The following GNPTAB variants were observed in gnomAD, a reference collection of about 807,000 sequenced individuals.
GNPTAB encodes N-acetylglucosamine-1-phosphate transferase subunits alpha and beta.
GNPTAB carries 92 observed loss-of-function variants against 136.6 expected under a neutral mutation model. The ratio of observed to expected loss-of-function variants is 0.67; its 90% CI spans 0.57 to 0.80. GNPTAB has a LOEUF of 0.80. Ranked by LOEUF, GNPTAB falls within the 30% of genes least tolerant of loss-of-function variation. The pLI is 0.00. For missense variants in GNPTAB, 1,343 were observed against 1,501.8 expected (o/e 0.89, Z 1.75); for synonymous variants, 512 against 535.1 (o/e 0.96, Z 0.60).
chr12:101,764,750 T>G lies in GNPTAB; in HGVS notation c.2167A>C (p.Ile723Leu). Residue 723 changes from isoleucine (I) to leucine (L), a missense_variant, in exon 13 of 21, where the codon ATC becomes CTC. Ile to Leu is a conservative substitution (Grantham distance 5, BLOSUM62 2). Transcript: ENST00000299314. ...TLDLQLEHGD[I>L]TLKGYNLSKS... ...GACAAATTGTATCCTTTCAAAGTGA[T>G]GTCTCCATGTTCCAGTTGCAAATCC... 6.2e-7 allele frequency: 1 copy of G among 1,614,002 alleles called. No individual in the cohort carries two copies.
chr12:101,792,100 G>T (rs890485049), intron 2 of GNPTAB, among the ~76,000 whole-genome samples: 1 of 151,930 alleles, frequency 6.6e-6, no homozygotes, highest in Non-Finnish European at 1.5e-5. Context: ...GAGGCGGGGC[G>T]GTCAGTTTTA....
At chr12:101,773,319 C>A in intron 7 of GNPTAB, 1 of 262,828 alleles carries the variant, frequency 3.8e-6, no homozygotes, top group Non-Finnish European at 7.7e-6. Context: ...ATGCTCTCCA[C>A]CTGCTCCCTC....
chr12:101,788,621 C>A, intron 3 of GNPTAB, 32 bp from the exon 4 acceptor site: 1 of 1,158,786 alleles, frequency 8.6e-7, no homozygotes, highest in East Asian at 2.3e-5. Context: ...TTATTACATA[C>A]ATATGGGCTA....
At chr12:101,819,698 G>A (rs918381298) in intron 1 of GNPTAB, among the ~76,000 whole-genome samples, 1 of 152,054 alleles carries the variant, frequency 6.6e-6, no homozygotes, top group Non-Finnish European at 1.5e-5. Flanking sequence ...GTATGCATAC[G>A]AATCACACAT....
At chr12:101,759,729 C>G (rs1952963878) in intron 16 of GNPTAB, among the ~76,000 whole-genome samples, 2 of 152,176 alleles carry the variant, frequency 1.3e-5, no homozygotes, top group Admixed American at 1.3e-4. Context: ...GGTTAAACCT[C>G]AGGATTGTTC....
chr12:101,765,873 A>G (rs962214691), intron 12 of GNPTAB: 27 of 527,624 alleles, frequency 5.1e-5, no homozygotes, highest in Non-Finnish European at 8.6e-5. Context: ...TCCAAACAAA[A>G]CAAAACAAAA....
At chr12:101,783,617 G>A (rs765952452) in intron 5 of GNPTAB, among the ~76,000 whole-genome samples, 7 of 152,178 alleles carry the variant, frequency 4.6e-5, no homozygotes, top group Non-Finnish European at 1.0e-4. Context: ...GCTGCAGTTC[G>A]AATATGTGAG....
chr12:101,751,520 A>G (rs1029251689), intron 19 of GNPTAB, among the ~76,000 whole-genome samples: 1 of 152,210 alleles, frequency 6.6e-6, no homozygotes, highest in Non-Finnish European at 1.5e-5. Flanking sequence ...TATCTTTATA[A>G]TTAAATGTTG....
chr12:101,809,342 C>A (rs1379608556), intron 1 of GNPTAB, among the ~76,000 whole-genome samples: 1 of 152,212 alleles, frequency 6.6e-6, no homozygotes, highest in Middle Eastern at 3.2e-3. Context: ...GGTGGGAATT[C>A]AAATGGTGCA....
chr12:101,769,982 C>A (rs766682296), intron 10 of GNPTAB, 39 bp downstream of exon 10: 1 of 1,593,928 alleles, frequency 6.3e-7, no homozygotes, highest in Non-Finnish European at 8.6e-7. Context: ...TGCTAAGTGA[C>A]TTCCACGCTA....
intron 16 of GNPTAB, among the ~76,000 whole-genome samples, chr12:101,759,113 C>T (rs538263513): frequency 3.9e-5 from 6 of 152,110 alleles, no homozygotes; most frequent in East Asian, 1.9e-4. Context: ...CCTGTAATCC[C>T]GGCACTTTGG....
At chr12:101,830,234 TAAAA>T (rs1871297652) in intron 1 of GNPTAB, among the ~76,000 whole-genome samples, 2 of 152,114 alleles carry the variant, frequency 1.3e-5, no homozygotes. Flanking sequence ...TCTCTATTTT[TAAAA>T]AACGGTGGGC....
At chr12:101,753,913 G>GT in intron 18 of GNPTAB, among the ~76,000 whole-genome samples, 1 of 151,388 alleles carries the variant, frequency 6.6e-6, no homozygotes, top group East Asian at 2.0e-4. Flanking sequence ...ACTTTGGGAG[G>GT]CAGAGGTGGG....
chr12:101,790,740 T>TAA (rs59673928), intron 2 of GNPTAB, among the ~76,000 whole-genome samples: 2 of 137,754 alleles, frequency 1.5e-5, no homozygotes, highest in Admixed American at 1.5e-4. Context: ...GCCTTGTCTC[T>TAA]AAAAAAAAAA....
intron 4 of GNPTAB, among the ~76,000 whole-genome samples, chr12:101,787,115 C>G (rs1184201283): frequency 6.6e-6 from 1 of 152,128 alleles, no homozygotes; most frequent in Non-Finnish European, 1.5e-5. Flanking sequence ...AGTAATCTTA[C>G]TTTTAGGAAT....
chr12:101,772,629 C>T (rs1594221960), intron 7 of GNPTAB, among the ~76,000 whole-genome samples: 1 of 152,060 alleles, frequency 6.6e-6, no homozygotes, highest in Non-Finnish European at 1.5e-5. Context: ...ACTGAGTCAC[C>T]AACTTGCCTC....
At chr12:101,807,395 T>A (rs1255455868) in intron 1 of GNPTAB, among the ~76,000 whole-genome samples, 1 of 152,040 alleles carries the variant, frequency 6.6e-6, no homozygotes, top group Non-Finnish European at 1.5e-5. Context: ...CCTCCTCCCA[T>A]CACCATTCTT....
Position 101,765,277 on chromosome 12 carries a change from A to G in GNPTAB, c.1640T>C (p.Ile547Thr), listed in dbSNP as rs1739159109. 6.2e-7 allele frequency: 1 copy of G among 1,611,896 alleles called. No homozygotes were observed. Among genetic ancestry groups the G allele is most frequent in the Admixed American group, 1.7e-5 (1 of 60,018 alleles). Reference protein sequence around the residue: ...QDHFHELYKVILLPNQTHYII... With the variant: ...QDHFHELYKVTLLPNQTHYII... ...ATAGTGAGTCTGGTTTGGGAGAAGG[A>G]TCACTTTATACAATTCATGAAAATG... Residue 547 changes from isoleucine (I) to threonine (T), a missense_variant, in exon 13 of 21, where the codon ATC (isoleucine) becomes ACC (threonine). Physicochemically the swap from Ile to Thr is moderately conservative, Grantham distance 89 (BLOSUM62 -1). Coordinates refer to ENST00000299314, the MANE Select transcript of GNPTAB (RefSeq NM_024312.5).
chr12:101,801,231 C>CCAA (rs1869603194), intron 1 of GNPTAB, among the ~76,000 whole-genome samples: 3 of 12,746 alleles, frequency 2.4e-4, no homozygotes, highest in African/African-American at 9.6e-4. Context: ...GACCCTGTCT[C>CCAA]AAAAAAAAAA....
Sources: gnomAD v4.1 joint callset for allele counts (sites outside exome capture counted in the v4.1 genomes callset) on GRCh38, gnomAD v4.1.1 for gene constraint, MANE v1.5 for transcripts, NCBI Gene and HGNC (gene_info 2026-07-23, HGNC 2026-07-21) for gene names.